NAALAD2: variants seen among roughly 807,000 people sequenced by gnomAD.
NAALAD2 encodes the protein N-acetylated-alpha-linked acidic dipeptidase 2.
In NAALAD2, 89 loss-of-function variants were observed where a neutral mutation model predicts 95.6. The observed-to-expected ratio is 0.93, with a 90% CI of 0.78 to 1.11. NAALAD2 has a LOEUF of 1.11. NAALAD2 is among the 50% of genes least tolerant of loss of function. The pLI, the probability that NAALAD2 is intolerant of heterozygous loss-of-function variation, is 0.00. For missense variants in NAALAD2, 894 were observed against 872.4 expected (o/e 1.02, Z -0.31); for synonymous variants, 264 against 294.4 (o/e 0.90, Z 1.06).
chr11:90,189,060 C>T (rs959076920), intron 18 of NAALAD2, among the ~76,000 whole-genome samples: 2 of 152,194 alleles, frequency 1.3e-5, no homozygotes, highest in African/African-American at 4.8e-5. Context: ...GATGCAGTCA[C>T]AAGGGTCCTT....
chr11:90,154,521 A>C (rs912159451), intron 6 of NAALAD2, among the ~76,000 whole-genome samples: 1 of 151,712 alleles, frequency 6.6e-6, no homozygotes, highest in Non-Finnish European at 1.5e-5. Flanking sequence ...ATATTGTTGA[A>C]TTTTTGATAT....
chr11:90,182,478 A>C (rs985567190), intron 17 of NAALAD2, among the ~76,000 whole-genome samples: 6 of 152,108 alleles, frequency 3.9e-5, no homozygotes, highest in African/African-American at 1.4e-4. Context: ...ATGTGCAGCT[A>C]TCTCTTACCC....
Position 90,134,722 on chromosome 11 carries a change from A to C in NAALAD2, c.-37A>C. On this transcript the variant is annotated 5_prime_UTR_variant, in exon 1 of 19. The change abolishes an upstream ATG in the 5' untranslated region. Coordinates refer to ENST00000534061, the MANE Select transcript of NAALAD2 (RefSeq NM_005467.4). ...TTCTCTGCAGCCCCGAAGCTCGCGA[A>C]TGTAGCAGGCGCCCCAAGCTCGGTC... The C allele has an allele frequency of 6.2e-7, 1 of 1,605,810 alleles. No homozygotes were observed. The highest frequency in any genetic ancestry group is 8.5e-7 in the Non-Finnish European group (1 of 1,173,700).
chr11:90,177,692 A>G (rs1377107811), intron 15 of NAALAD2, among the ~76,000 whole-genome samples, 161 bp from the exon 16 acceptor site: 3 of 134,680 alleles, frequency 2.2e-5, no homozygotes, highest in African/African-American at 8.4e-5. Flanking sequence ...AGCTCAGGCA[A>G]TCCACCTGCC....
chr11:90,150,895 C>T lies in NAALAD2; in HGVS notation c.609+288C>T, dbSNP rs368370090. On this transcript the variant is annotated intron_variant, in intron 5 of 18. Coordinates refer to ENST00000534061, the MANE Select transcript of NAALAD2 (RefSeq NM_005467.4). ...AAATGAAAAGCTTCTCTGCATTACC[C>T]ACTTCATTATTCAGATATAATCAAT... 1.6e-4 allele frequency among the ~76,000 whole-genome samples: 25 copies of T among 152,020 alleles called. No individual in the cohort carries two copies. The East Asian group carries it at 3.9e-3, about 23-fold the overall frequency.
chr11:90,177,092 C>A (rs921548508), intron 15 of NAALAD2, among the ~76,000 whole-genome samples: 1 of 151,920 alleles, frequency 6.6e-6, no homozygotes, highest in African/African-American at 2.4e-5. Flanking sequence ...AGAACGATAG[C>A]CATACAAGGT....
intron 13 of NAALAD2, among the ~76,000 whole-genome samples, chr11:90,170,820 T>G (rs976395052): frequency 6.6e-6 from 1 of 152,038 alleles, no homozygotes; most frequent in Non-Finnish European, 1.5e-5. Context: ...AAAAAAGATG[T>G]GGAGGTTTAA....
intron 12 of NAALAD2, 173 bp downstream of exon 12, chr11:90,169,165 C>T (rs192047725): frequency 6.2e-6 from 3 of 482,358 alleles, no homozygotes; most frequent in Non-Finnish European, 1.1e-5. Context: ...TTTCATTTTG[C>T]CACAGAGAAA....
intron 11 of NAALAD2, among the ~76,000 whole-genome samples, chr11:90,165,101 A>T (rs140110291): frequency 6.0e-4 from 92 of 152,290 alleles, no homozygotes; most frequent in Admixed American, 1.6e-3. Context: ...TTAGCTTGCC[A>T]AGAATAATGG....
At chr11:90,182,486 C>T (rs1232997424) in intron 17 of NAALAD2, among the ~76,000 whole-genome samples, 1 of 152,082 alleles carries the variant, frequency 6.6e-6, no homozygotes, top group African/African-American at 2.4e-5. Context: ...CTATCTCTTA[C>T]CCTCCTTACA....
At chr11:90,141,157 CAT>C (rs1295238990) in intron 2 of NAALAD2, among the ~76,000 whole-genome samples, 1 of 152,158 alleles carries the variant, frequency 6.6e-6, no homozygotes, top group African/African-American at 2.4e-5. Flanking sequence ...TTTAACAAAA[CAT>C]AGAATGATTT....
At position 90,192,089 on chromosome 11, in the gene NAALAD2, A is replaced by G. The variant is rs1266591617; in HGVS notation, c.*342A>G. On this transcript the variant is annotated 3_prime_UTR_variant, in exon 19 of 19. Transcript: ENST00000534061. Reference sequence around the variant, plus strand: ...TGAAAACAGTTTGGCAGTTTCCTATAAAGTTAAACATACACTTTTACTTTA... The same window carrying G: ...TGAAAACAGTTTGGCAGTTTCCTATGAAGTTAAACATACACTTTTACTTTA... 1.3e-5 allele frequency: 2 copies of G among 157,478 alleles called. No homozygotes were observed. Among genetic ancestry groups the G allele is most frequent in the South Asian group, 2.1e-4 (1 of 4,872 alleles). The allele number at this position is 157,478 out of a possible 1,614,324, so 9.8% of individuals were successfully genotyped here.
intron 16 of NAALAD2, among the ~76,000 whole-genome samples, chr11:90,181,120 G>A (rs951464592): frequency 6.6e-6 from 1 of 152,108 alleles, no homozygotes; most frequent in African/African-American, 2.4e-5. Context: ...GTGAATTAAA[G>A]AAGAGTTTGA....
upstream of NAALAD2, among the ~76,000 whole-genome samples, chr11:90,133,573 A>G (rs1420381898): frequency 6.6e-6 from 1 of 152,220 alleles, no homozygotes; most frequent in African/African-American, 2.4e-5. Context: ...CCAATAACCA[A>G]TGAGGTACAG....
At chr11:90,137,035 A>G (rs1013472103) in intron 2 of NAALAD2, among the ~76,000 whole-genome samples, 3 of 152,228 alleles carry the variant, frequency 2.0e-5, no homozygotes, top group African/African-American at 7.2e-5. Flanking sequence ...CATAAAAAAG[A>G]AAGAAATCCT....
intron 11 of NAALAD2, among the ~76,000 whole-genome samples, chr11:90,167,395 C>T (rs893068620): frequency 6.6e-6 from 1 of 152,330 alleles, no homozygotes; most frequent in Non-Finnish European, 1.5e-5. Context: ...GCAGGGCTTC[C>T]GACCTGCAGC....
rs7108997 is a variant in NAALAD2 at position 90,172,421 on chromosome 11, G to A, written c.1411-1403G>A. Among the ~76,000 whole-genome samples the A allele has an allele frequency of 3.9e-3, 588 of 152,244 alleles. 4 individuals are homozygous for A. Among genetic ancestry groups the A allele is most frequent in the African/African-American group, 0.013 (550 of 41,550 alleles). Reference sequence around the variant, plus strand: ...TGTTACCTTCTACTTGAAGGCTGATGAGGGCTTGTGTTATCAGTAGACACA... The same window carrying A: ...TGTTACCTTCTACTTGAAGGCTGATAAGGGCTTGTGTTATCAGTAGACACA... On this transcript the variant is annotated intron_variant, in intron 13 of 18. Coordinates refer to ENST00000534061, the MANE Select transcript of NAALAD2 (RefSeq NM_005467.4).
chr11:90,151,828 T>C (rs527342918), intron 5 of NAALAD2, among the ~76,000 whole-genome samples: 1 of 152,296 alleles, frequency 6.6e-6, no homozygotes, highest in South Asian at 2.1e-4. Context: ...CTGCATACAA[T>C]TTTAAATGAG....
chr11:90,150,989 A>G (rs1328473115), intron 5 of NAALAD2, among the ~76,000 whole-genome samples: 3 of 152,048 alleles, frequency 2.0e-5, no homozygotes, highest in Non-Finnish European at 2.9e-5. Flanking sequence ...TCCATTTTAC[A>G]TATATTTATT....
Sources: allele counts gnomAD v4.1 joint callset (sites outside exome capture counted in the v4.1 genomes callset), GRCh38; gene constraint gnomAD v4.1.1; transcripts MANE v1.5; gene names NCBI Gene and HGNC (gene_info 2026-07-23, HGNC 2026-07-21).